Variants in ITPRID1 observed in about 807,000 individuals in gnomAD.
ITPRID1 encodes the protein protein ITPRID1.
Under a neutral mutation model 95.4 loss-of-function variants are expected in ITPRID1, and 96 were observed. That is an observed-to-expected ratio of 1.01 (90% CI 0.85 to 1.19). The LOEUF is 1.19. Among genes scored for constraint, ITPRID1 ranks in the 50% most tolerant of loss-of-function variants. The pLI is 0.00. For synonymous variants in ITPRID1, 510 were observed against 453.6 expected, an observed-to-expected ratio of 1.12 and a Z score of -1.58; for missense variants, 1,339 against 1,252.9, an observed-to-expected ratio of 1.07 and a Z score of -1.04.
intron 10 of ITPRID1, among the ~76,000 whole-genome samples, chr7:31,593,696 A>G (rs1210396743): frequency 2.0e-5 from 3 of 152,184 alleles, no homozygotes; most frequent in Non-Finnish European, 4.4e-5. Flanking sequence ...CTTTTGATGT[A>G]TTTATTCCAT....
intron 1 of ITPRID1, among the ~76,000 whole-genome samples, chr7:31,528,898 A>C (rs1340898744): frequency 1.3e-5 from 2 of 152,214 alleles, no homozygotes; most frequent in Admixed American, 6.5e-5. Flanking sequence ...AAAATGAAGG[A>C]TATTGTTGAA....
chr7:31,519,620 C>CTCTCTCTCTCCATATATATATATATATA lies in ITPRID1; in HGVS notation c.-98+5501_-98+5502insCTCTCTCTCCATATATATATATATATAT. Reference sequence around the variant, plus strand: ...TCTCTCTCTCTCTCTCTCTCTCTCTCTATATATATATATATATATATATAT... The same window carrying CTCTCTCTCTCCATATATATATATATATA: ...TCTCTCTCTCTCTCTCTCTCTCTCTCTCTCTCTCTCCATATATATATATATATATATATATATATATATATATATATAT... On this transcript the variant is annotated intron_variant, in intron 1 of 14. Transcript: ENST00000615280. 2.3e-3 allele frequency among the ~76,000 whole-genome samples: 58 copies of CTCTCTCTCTCCATATATATATATATATA among 25,262 alleles called. 4 individuals carry two copies. Among genetic ancestry groups the CTCTCTCTCTCCATATATATATATATATA allele is most frequent in the South Asian group, 4.1e-3 (2 of 486 alleles). The allele number at this position is 25,262 out of a possible 152,430, so 16.6% of individuals were successfully genotyped here.
chr7:31,609,648 A>C (rs1347553429), intron 10 of ITPRID1, among the ~76,000 whole-genome samples: 3 of 151,492 alleles, frequency 2.0e-5, no homozygotes, highest in Non-Finnish European at 1.5e-5. Context: ...CCTCTCTTTC[A>C]TTCATAATTT....
At position 31,654,229 on chromosome 7, in the gene ITPRID1, A is replaced by G. The variant is rs1583767160; in HGVS notation, c.*1400A>G. Among the ~76,000 whole-genome samples the G allele has an allele frequency of 6.6e-6, 1 of 152,184 alleles. No individual in the cohort carries two copies. Among genetic ancestry groups the G allele is most frequent in the Admixed American group, 6.5e-5 (1 of 15,276 alleles). On this transcript the variant is annotated 3_prime_UTR_variant, in exon 15 of 15. Transcript: ENST00000615280. ...CTATTTGGGTAAGACTTGAAAGGTG[A>G]GGAAGTGGAAGCCAAGTGCAATTTT...
chr7:31,607,663 G>A (rs111250177), intron 10 of ITPRID1, among the ~76,000 whole-genome samples: 5 of 151,284 alleles, frequency 3.3e-5, no homozygotes, highest in African/African-American at 9.7e-5. Flanking sequence ...GGGTTCTCAG[G>A]GTCCATTTCA....
chr7:31,626,363 T>C (rs1310272166), intron 10 of ITPRID1, among the ~76,000 whole-genome samples: 2 of 152,384 alleles, frequency 1.3e-5, no homozygotes, highest in East Asian at 3.9e-4. Context: ...ATGCTTTAAC[T>C]TTGGGTGTGT....
rs373857377 is a variant in ITPRID1 at position 31,553,305 on chromosome 7, A to C, written c.163+118A>C. ...AAAAGTATTTGGCTTTGAATATACC[A>C]GTGTTCCTGGCATGATGCCGGAAAC... On this transcript the variant is annotated intron_variant, in intron 3 of 14. Transcript: ENST00000615280. 4.5e-4 allele frequency: 419 copies of C among 923,136 alleles called. 4 individuals are homozygous for C. The South Asian group carries it at 7.0e-3, about 15-fold the overall frequency. The allele number at this position is 923,136 out of a possible 1,614,324, so 57.2% of individuals were successfully genotyped here.
chr7:31,617,709 G>A (rs926601912), intron 10 of ITPRID1, among the ~76,000 whole-genome samples: 7 of 151,916 alleles, frequency 4.6e-5, no homozygotes, highest in African/African-American at 7.2e-5. Context: ...TGCTCCCTCC[G>A]ACCCCCACAG....
chr7:31,517,477 G>A (rs2128125779), intron 1 of ITPRID1: 1 of 153,144 alleles, frequency 6.5e-6, no homozygotes, highest in African/African-American at 2.4e-5. Flanking sequence ...AGACAACCAA[G>A]AGGAAAAGAA....
intron 1 of ITPRID1, among the ~76,000 whole-genome samples, chr7:31,530,786 A>G (rs868056206): frequency 6.6e-6 from 1 of 151,962 alleles, no homozygotes; most frequent in African/African-American, 2.4e-5. Context: ...AATAATTATA[A>G]CAAGTCCAGA....
At chr7:31,615,590 TTAAG>T (rs1476574082) in intron 10 of ITPRID1, among the ~76,000 whole-genome samples, 6 of 152,104 alleles carry the variant, frequency 3.9e-5, no homozygotes, top group Admixed American at 6.6e-5. Context: ...AAATAAGACA[TTAAG>T]TAATTTTTTA....
chr7:31,563,601 G>A (rs570114444), intron 5 of ITPRID1, among the ~76,000 whole-genome samples: 49 of 152,334 alleles, frequency 3.2e-4, no homozygotes, highest in African/African-American at 1.1e-3. Flanking sequence ...AAGCAAGCAT[G>A]TTACACATTT....
At chr7:31,641,794 C>G (rs38394) in intron 10 of ITPRID1, among the ~76,000 whole-genome samples, 23,838 of 152,176 alleles carry the variant, frequency 0.16, 2,352 homozygotes, top group Non-Finnish European at 0.2. Context: ...TATATATACA[C>G]ACACACAAAT....
chr7:31,652,959 CT>C lies in ITPRID1; in HGVS notation c.*133del. ...TCAGCTATATCTCTCATATTCTACC[CT>C]TTGGTTAAACCCAAGAGGAGTTTAG... is the stretch of plus-strand genomic sequence containing the variant. On this transcript the variant is annotated 3_prime_UTR_variant, in exon 15 of 15. Transcript: ENST00000615280. 6.8e-7 allele frequency: 1 copy of C among 1,469,240 alleles called. No individual in the cohort carries two copies. The highest frequency in any genetic ancestry group is 9.0e-7 in the Non-Finnish European group (1 of 1,113,168). The allele number at this position is 1,469,240 out of a possible 1,614,324, so 91.0% of individuals were successfully genotyped here. A position where few individuals can be genotyped will look rare whatever the true frequency, so the allele number is the denominator to read the frequency against.
chr7:31,544,865 C>G (rs1784047750), intron 1 of ITPRID1, among the ~76,000 whole-genome samples: 1 of 152,064 alleles, frequency 6.6e-6, no homozygotes. Context: ...GTCATAATTC[C>G]CAGGTACTGA....
chr7:31,546,720 T>C (rs1380467802), intron 1 of ITPRID1, among the ~76,000 whole-genome samples: 2 of 152,262 alleles, frequency 1.3e-5, no homozygotes, highest in Admixed American at 6.5e-5. Context: ...AACGCTAAGA[T>C]CTCTGTCCTG....
chr7:31,605,015 G>A (rs905209094), intron 10 of ITPRID1, among the ~76,000 whole-genome samples: 1 of 152,026 alleles, frequency 6.6e-6, no homozygotes, highest in African/African-American at 2.4e-5. Context: ...GCAGGCACCT[G>A]TAATCCCAGC....
At chr7:31,651,796 G>T in intron 13 of ITPRID1, 143 bp from the exon 14 acceptor site, 1 of 551,442 alleles carries the variant, frequency 1.8e-6, no homozygotes, top group Admixed American at 3.1e-5. Context: ...GACAACCTTA[G>T]TAATGTCTCC....
At chr7:31,633,413 G>C (rs1404221605) in intron 10 of ITPRID1, among the ~76,000 whole-genome samples, 1 of 152,218 alleles carries the variant, frequency 6.6e-6, no homozygotes, top group Non-Finnish European at 1.5e-5. Context: ...GTAAGCACTA[G>C]CTAAATGACC....
Sources: allele counts gnomAD v4.1 joint callset (sites outside exome capture counted in the v4.1 genomes callset), GRCh38; gene constraint gnomAD v4.1.1; transcripts MANE v1.5; gene names NCBI Gene and HGNC (gene_info 2026-07-23, HGNC 2026-07-21).